Variants in CFAP70 observed in about 807,000 individuals in gnomAD.
CFAP70 encodes the protein cilia- and flagella-associated protein 70.
CFAP70 carries 81 observed loss-of-function variants against 137.6 expected under a neutral mutation model. The observed-to-expected ratio is 0.59, with a 90% CI of 0.49 to 0.71. The LOEUF is 0.71. Ranked by LOEUF, CFAP70 falls within the 30% of genes least tolerant of loss-of-function variation. The pLI, the probability that CFAP70 is intolerant of heterozygous loss-of-function variation, is 0.00. For missense variants in CFAP70, 976 were observed against 1,226.7 expected (o/e 0.80, Z 3.05); for synonymous variants, 382 against 423.6 (o/e 0.90, Z 1.20).
chr10:73,352,423 C>T (rs1256480692), intron 3 of CFAP70, among the ~76,000 whole-genome samples: 5 of 152,160 alleles, frequency 3.3e-5, no homozygotes, highest in African/African-American at 9.7e-5. Flanking sequence ...TAGGCTGCCG[C>T]TTTCATAGTC....
exon 3 of CFAP70, chr10:73,353,738 C>T: frequency 6.2e-7 from 1 of 1,613,744 alleles, no homozygotes; most frequent in Non-Finnish European, 8.5e-7. Context: ...TCCTTTAAAA[C>T]CTTTCTGTTG....
intron 9 of CFAP70, among the ~76,000 whole-genome samples, chr10:73,315,304 G>A (rs1366623988): frequency 6.6e-6 from 1 of 151,234 alleles, no homozygotes; most frequent in African/African-American, 2.4e-5. Flanking sequence ...GTGATTTGGA[G>A]ATTTTACATC....
intron 12 of CFAP70, among the ~76,000 whole-genome samples, chr10:73,304,087 G>A (rs930823368): frequency 5.4e-5 from 8 of 148,344 alleles, no homozygotes; most frequent in Non-Finnish European, 1.2e-4. Flanking sequence ...AGAGTTTTTT[G>A]CTCTTGTCAT....
chr10:73,272,342 C>CAAAT (rs146457367), intron 24 of CFAP70, among the ~76,000 whole-genome samples: 125 of 151,622 alleles, frequency 8.2e-4, no homozygotes, highest in Middle Eastern at 3.4e-3. Context: ...GACTCCATCT[C>CAAAT]AAATAAATAA....
intron 7 of CFAP70, among the ~76,000 whole-genome samples, chr10:73,333,182 G>C (rs2052303083): frequency 6.6e-6 from 1 of 152,068 alleles, no homozygotes; most frequent in African/African-American, 2.4e-5. Context: ...AATAAAATCA[G>C]TGAATGTGAG....
chr10:73,308,308 C>G (rs2049573899), intron 12 of CFAP70, among the ~76,000 whole-genome samples: 1 of 152,042 alleles, frequency 6.6e-6, no homozygotes, highest in African/African-American at 2.4e-5. Flanking sequence ...TGTCAGGCCA[C>G]AAAACAAGGA....
exon 6 of CFAP70, chr10:73,341,494 C>G: frequency 1.9e-6 from 3 of 1,614,170 alleles, no homozygotes; most frequent in Non-Finnish European, 2.5e-6. Flanking sequence ...AGAATGTTGG[C>G]AATTGGCCAC....
chr10:73,297,071 C>T (rs1167317619), exon 15 of CFAP70: 1 of 1,613,876 alleles, frequency 6.2e-7, no homozygotes. Flanking sequence ...ATCTGATCTA[C>T]TAAGAACACA....
At chr10:73,300,399 A>G (rs2048860570) in intron 12 of CFAP70, among the ~76,000 whole-genome samples, 1 of 152,150 alleles carries the variant, frequency 6.6e-6, no homozygotes, top group African/African-American at 2.4e-5. Flanking sequence ...GTAATGATAT[A>G]CCTCTGTTCA....
chr10:73,292,004 C>T (rs774066061), exon 17 of CFAP70: 72 of 1,613,910 alleles, frequency 4.5e-5, no homozygotes, highest in East Asian at 1.3e-4. Context: ...CTGGGGCTCA[C>T]GGACCAATCT....
At chr10:73,313,775 G>A (rs1437178131) in intron 9 of CFAP70, among the ~76,000 whole-genome samples, 4 of 152,128 alleles carry the variant, frequency 2.6e-5, no homozygotes, top group Non-Finnish European at 5.9e-5. Context: ...CCTGGGAGGC[G>A]GAGGTTGCAG....
intron 24 of CFAP70, among the ~76,000 whole-genome samples, chr10:73,271,471 C>T (rs901541927): frequency 2.0e-5 from 3 of 152,294 alleles, no homozygotes; most frequent in African/African-American, 4.8e-5. Flanking sequence ...AAGATGGCGC[C>T]ACTGCACTCC....
At chr10:73,312,882 G>T (rs924026837) in intron 9 of CFAP70, among the ~76,000 whole-genome samples, 4 of 152,116 alleles carry the variant, frequency 2.6e-5, no homozygotes, top group African/African-American at 7.2e-5. Flanking sequence ...TTACAACCTG[G>T]CTTGATTCTG....
rs1009340214 is a variant in CFAP70, at chr10:73,322,653, T to C, written c.912+310A>G. Among the ~76,000 whole-genome samples, 5 of 152,174 alleles carry C rather than the reference T, an allele frequency of 3.3e-5. No individual in the cohort carries two copies. In the East Asian group the frequency reaches 5.8e-4, roughly 18 times the overall value. ...GCATAATGCATTTTAGTCTGTGCTG[T>C]TGCATGTATCATTAGCTCATTTCTT... On this transcript the variant is annotated intron_variant, in intron 9 of 26. Transcript: ENST00000310715.
chr10:73,265,343 G>C (rs1259516817), intron 25 of CFAP70, among the ~76,000 whole-genome samples: 1 of 150,272 alleles, frequency 6.7e-6, no homozygotes, highest in Non-Finnish European at 1.5e-5. Flanking sequence ...AAAAGAAGAA[G>C]AAGAAGAGAT....
intron 12 of CFAP70, among the ~76,000 whole-genome samples, chr10:73,307,989 CAA>C (rs371058579): frequency 0.081 from 6,505 of 79,962 alleles, 418 homozygotes; most frequent in African/African-American, 0.21. Flanking sequence ...TACTAAAATA[CAA>C]AAAAAAAAAA....
chr10:73,290,977 T>C (rs1181842584), intron 19 of CFAP70, among the ~76,000 whole-genome samples: 1 of 152,184 alleles, frequency 6.6e-6, no homozygotes, highest in African/African-American at 2.4e-5. Flanking sequence ...GTGCCTACCA[T>C]GTGCCAGCTT....
At chr10:73,326,508 G>A (rs1449807601) in intron 8 of CFAP70, among the ~76,000 whole-genome samples, 6 of 148,650 alleles carry the variant, frequency 4.0e-5, no homozygotes, top group African/African-American at 1.5e-4. Flanking sequence ...GAAGGAAATA[G>A]AGACACAAAA....
At chr10:73,280,607 T>C (rs1010596277) in intron 19 of CFAP70, among the ~76,000 whole-genome samples, 8 of 152,342 alleles carry the variant, frequency 5.3e-5, no homozygotes, top group East Asian at 1.9e-4. Flanking sequence ...TTAGGAGATA[T>C]AGGGCTATTC....
Sources: gnomAD v4.1 joint callset for allele counts (sites outside exome capture counted in the v4.1 genomes callset) on GRCh38, gnomAD v4.1.1 for gene constraint, MANE v1.5 for transcripts, NCBI Gene and HGNC (gene_info 2026-07-23, HGNC 2026-07-21) for gene names.